The following TENM3 variants were observed in gnomAD, a reference collection of about 807,000 sequenced individuals.
The protein encoded by TENM3 is teneurin-3.
Under a neutral mutation model 255.1 loss-of-function variants are expected in TENM3, and 63 were observed. The observed-to-expected ratio is 0.25, with a 90% confidence interval of 0.20 to 0.30. The LOEUF is 0.30. TENM3 is among the 10% of genes least tolerant of loss of function. TENM3 has a pLI of 1.00. For synonymous variants in TENM3, 1,306 were observed against 1,322.3 expected (o/e 0.99, Z 0.27); for missense variants, 2,929 against 3,461.1 (o/e 0.85, Z 3.86).
the TENM3 span, among the ~76,000 whole-genome samples, chr4:181,902,044 G>A: frequency 2.9e-4 from 44 of 151,942 alleles, no homozygotes; most frequent in Admixed American, 2.8e-3. Context: ...AGACAGAAAC[G>A]TATGGCTTTG....
rs560332147 is a variant in TENM3 at position 182,773,547 on chromosome 4, C to T, written c.4968C>T (p.Asp1656=). The change falls in exon 23 of 28, where the codon GAC becomes GAT. Residue 1656 remains aspartate (D), a synonymous_variant. Coordinates refer to ENST00000511685, the MANE Select transcript of TENM3 (RefSeq NM_001080477.4). ...TCACAAACCTGCATGGGGACATGGA[C>T]AAGGCTATCACAGTGGACATTGAGT... ...GVVTNLHGDM[D]KAITVDIESS... 1.1e-5 allele frequency: 17 copies of T among 1,613,860 alleles called. No homozygotes were observed. The East Asian group carries it at 3.6e-4, about 34-fold the overall frequency.
chr4:182,263,139 G>A (rs1007153107), intron 1 of TENM3, among the ~76,000 whole-genome samples: 12 of 152,222 alleles, frequency 7.9e-5, no homozygotes, highest in Middle Eastern at 3.4e-3. Context: ...CGAAGGGACT[G>A]TAGTGCAGAA....
At chr4:182,098,767 A>G in the TENM3 span, among the ~76,000 whole-genome samples, 2 of 152,146 alleles carry the variant, frequency 1.3e-5, no homozygotes, top group Non-Finnish European at 2.9e-5. Context: ...GTAGCACAAC[A>G]GGGCAACTAT....
intron 6 of TENM3, among the ~76,000 whole-genome samples, chr4:182,664,233 G>A (rs1003855975): frequency 2.0e-5 from 3 of 151,968 alleles, no homozygotes; most frequent in African/African-American, 7.3e-5. Context: ...GTTGCATTTT[G>A]GTAATTCTCA....
chr4:182,100,872 T>TAG, the TENM3 span, among the ~76,000 whole-genome samples: 2 of 76,882 alleles, frequency 2.6e-5, no homozygotes, highest in African/African-American at 1.1e-4. Flanking sequence ...TATATATATA[T>TAG]ATAGAGAGAG....
At chr4:181,522,795 C>T in the TENM3 span, 6 of 838,388 alleles carry the variant, frequency 7.2e-6, no homozygotes, top group African/African-American at 1.7e-5. Context: ...GGATCCTGGT[C>T]AAACTTTAAT....
At chr4:181,699,567 T>G in the TENM3 span, among the ~76,000 whole-genome samples, 1 of 151,796 alleles carries the variant, frequency 6.6e-6, no homozygotes, top group Non-Finnish European at 1.5e-5. Flanking sequence ...GTTTTTCACA[T>G]TTGAGATACA....
the TENM3 span, among the ~76,000 whole-genome samples, chr4:181,732,026 T>G: frequency 6.6e-6 from 1 of 152,174 alleles, no homozygotes; most frequent in South Asian, 2.1e-4. Flanking sequence ...AAAAGGAATC[T>G]AAAACTAAAT....
At chr4:182,408,381 A>G (rs1769736846) in intron 3 of TENM3, among the ~76,000 whole-genome samples, 1 of 152,208 alleles carries the variant, frequency 6.6e-6, no homozygotes, top group African/African-American at 2.4e-5. Flanking sequence ...AATATGTATC[A>G]TGTTCTGGGC....
At chr4:182,329,474 C>T (rs185762819) in intron 2 of TENM3, among the ~76,000 whole-genome samples, 45 of 152,254 alleles carry the variant, frequency 3.0e-4, no homozygotes, top group African/African-American at 1.1e-3. Flanking sequence ...ATGTTGGTCC[C>T]AGGAATCTAA....
chr4:182,623,187 G>C (rs1345221110), intron 4 of TENM3, among the ~76,000 whole-genome samples: 1 of 151,264 alleles, frequency 6.6e-6, no homozygotes, highest in Admixed American at 6.6e-5. Flanking sequence ...AATTTTTTTT[G>C]TATTTTTAGT....
chr4:182,003,939 G>A, the TENM3 span, among the ~76,000 whole-genome samples: 1 of 151,796 alleles, frequency 6.6e-6, no homozygotes, highest in Non-Finnish European at 1.5e-5. Context: ...TAAATCTTCA[G>A]GCCTTTCAAG....
Position 182,323,059 on chromosome 4 carries a change from C to T in TENM3, c.-75-887C>T, listed in dbSNP as rs536995523. 3.3e-5 allele frequency among the ~76,000 whole-genome samples: 5 copies of T among 152,208 alleles called. No individual in the cohort carries two copies. In the South Asian group the frequency reaches 6.2e-4, roughly 19 times the overall value. On this transcript the variant is annotated intron_variant, in intron 1 of 27. Coordinates refer to ENST00000511685, the MANE Select transcript of TENM3 (RefSeq NM_001080477.4). ...AGATAAAGGAGAACCATTTGAAATG[C>T]GGATTCGCCCCGGGCCACTCTCCCT...
At chr4:181,853,098 T>G in the TENM3 span, among the ~76,000 whole-genome samples, 3 of 152,294 alleles carry the variant, frequency 2.0e-5, no homozygotes, top group East Asian at 1.9e-4. Flanking sequence ...CATTTGTAGA[T>G]CTATAGTTTT....
the TENM3 span, among the ~76,000 whole-genome samples, chr4:181,500,347 A>G: frequency 2.6e-5 from 4 of 151,854 alleles, no homozygotes; most frequent in African/African-American, 9.7e-5. Context: ...AAAAAAAAAA[A>G]ATGTTGCAGC....
chr4:182,198,162 G>A (rs1753948038), intron 1 of TENM3, among the ~76,000 whole-genome samples: 1 of 151,870 alleles, frequency 6.6e-6, no homozygotes, highest in Non-Finnish European at 1.5e-5. Flanking sequence ...TGGTGGGAAG[G>A]CCTAGAATAG....
chr4:182,433,637 G>A lies in TENM3; in HGVS notation c.511+86708G>A, dbSNP rs115637164. On this transcript the variant is annotated intron_variant, in intron 3 of 27. Transcript: ENST00000511685. The stretch of plus-strand genomic sequence containing the variant: ...CTCGAGTGGTCTCCTGAAATAATAG[G>A]CTGAGGAATGGGAGTTACTCTCAAG... Among the ~76,000 whole-genome samples the A allele has an allele frequency of 9.7e-3, 1,480 of 152,286 alleles. 33 individuals carry two copies. Among genetic ancestry groups the A allele is most frequent in the African/African-American group, 0.034 (1,419 of 41,558 alleles).
At chr4:181,866,373 G>A in the TENM3 span, among the ~76,000 whole-genome samples, 2 of 152,114 alleles carry the variant, frequency 1.3e-5, no homozygotes, top group East Asian at 3.8e-4. Context: ...GCTCCTCCAC[G>A]CGGTTACTTA....
intron 3 of TENM3, among the ~76,000 whole-genome samples, chr4:182,597,140 CA>C (rs1747324354): frequency 6.6e-6 from 1 of 152,214 alleles, no homozygotes; most frequent in South Asian, 2.1e-4. Context: ...CAGATCCTCA[CA>C]CCTGCAGTCT....
Sources: allele counts gnomAD v4.1 joint callset (sites outside exome capture counted in the v4.1 genomes callset), GRCh38; gene constraint gnomAD v4.1.1; transcripts MANE v1.5; gene names NCBI Gene and HGNC (gene_info 2026-07-23, HGNC 2026-07-21).